Variants in SUPT3H observed in about 807,000 individuals in gnomAD.
The protein encoded by SUPT3H is SPT3 homolog, SAGA and STAGA complex component.
SUPT3H carries 44 observed loss-of-function variants against 44.3 expected under a neutral mutation model. The ratio of observed to expected loss-of-function variants is 0.99; its 90% confidence interval spans 0.78 to 1.28. The LOEUF is 1.28. Ranked by LOEUF, SUPT3H falls within the 50% of genes most tolerant of loss-of-function variation. SUPT3H has a pLI of 0.00. For synonymous variants in SUPT3H, 124 were observed against 125.6 expected, an observed-to-expected ratio of 0.99 and a Z score of 0.09; for missense variants, 380 against 387.1, an observed-to-expected ratio of 0.98 and a Z score of 0.15.
chr6:45,355,704 A>G (rs1163827913), intron 2 of SUPT3H, among the ~76,000 whole-genome samples: 1 of 152,208 alleles, frequency 6.6e-6, no homozygotes, highest in Non-Finnish European at 1.5e-5. Context: ...ATACTTCTAA[A>G]GGATTAGAGA....
At chr6:44,891,835 T>C (rs1028769269) in intron 10 of SUPT3H, among the ~76,000 whole-genome samples, 115 of 151,600 alleles carry the variant, frequency 7.6e-4, no homozygotes, top group African/African-American at 2.6e-3. Flanking sequence ...ATGGACAGAT[T>C]AGTGACCAAA....
intron 2 of SUPT3H, among the ~76,000 whole-genome samples, chr6:45,186,664 A>C (rs1161531617): frequency 6.6e-6 from 1 of 152,150 alleles, no homozygotes; most frequent in Non-Finnish European, 1.5e-5. Flanking sequence ...AAGCTGGAAA[A>C]ATTTGAGAAA....
intron 2 of SUPT3H, among the ~76,000 whole-genome samples, chr6:45,307,485 G>A (rs949566234): frequency 5.9e-5 from 9 of 152,190 alleles, no homozygotes; most frequent in African/African-American, 1.4e-4. Context: ...TGCAGCCTCC[G>A]CTGCTGATAC....
chr6:45,176,192 C>T (rs974868470), intron 2 of SUPT3H, among the ~76,000 whole-genome samples: 1 of 151,720 alleles, frequency 6.6e-6, no homozygotes, highest in East Asian at 1.9e-4. Flanking sequence ...GAGTGCCAGA[C>T]AGTGGGCGCA....
At chr6:45,101,856 C>A (rs980718343) in intron 3 of SUPT3H, among the ~76,000 whole-genome samples, 1 of 151,892 alleles carries the variant, frequency 6.6e-6, no homozygotes, top group Non-Finnish European at 1.5e-5. Context: ...CTACTCATAT[C>A]CCCTGTATTG....
intron 2 of SUPT3H, among the ~76,000 whole-genome samples, chr6:45,206,187 A>C (rs1763203657): frequency 6.6e-6 from 1 of 152,230 alleles, no homozygotes; most frequent in Non-Finnish European, 1.5e-5. Context: ...TGTGTTAGTA[A>C]GGAAGAATAA....
chr6:45,268,474 C>T (rs1015805197), intron 2 of SUPT3H, among the ~76,000 whole-genome samples: 1 of 152,078 alleles, frequency 6.6e-6, no homozygotes, highest in Non-Finnish European at 1.5e-5. Flanking sequence ...ATGAACGATT[C>T]GGATAAATTG....
At chr6:45,124,038 C>T (rs1802053322) in intron 2 of SUPT3H, among the ~76,000 whole-genome samples, 1 of 152,132 alleles carries the variant, frequency 6.6e-6, no homozygotes, top group South Asian at 2.1e-4. Flanking sequence ...TTGCCAATCC[C>T]TGGTATAATC....
chr6:44,919,907 C>A (rs1229347059), intron 10 of SUPT3H, among the ~76,000 whole-genome samples: 2 of 152,076 alleles, frequency 1.3e-5, no homozygotes, highest in Non-Finnish European at 2.9e-5. Context: ...GAGACCCAGT[C>A]TTGCTCTGTT....
intron 2 of SUPT3H, among the ~76,000 whole-genome samples, chr6:45,158,025 G>A (rs1253928825): frequency 6.8e-6 from 1 of 146,096 alleles, no homozygotes; most frequent in African/African-American, 2.5e-5. Flanking sequence ...CATGCTCTAG[G>A]GGATTTAAAA....
rs1318853292 is a variant in SUPT3H at position 44,887,467 on chromosome 6, C to T, written c.912+45186G>A. On this transcript the variant is annotated intron_variant, in intron 10 of 10. Coordinates refer to ENST00000371459, the MANE Select transcript of SUPT3H (RefSeq NM_003599.4). The stretch of plus-strand genomic sequence containing the variant: ...CTAGAACTCAGGATTAAGAAACTCA[C>T]TCAAAAGTGCTCAAGTACATGGAAA... Among the ~76,000 whole-genome samples, 23 of 152,188 alleles carry T rather than the reference C, an allele frequency of 1.5e-4. 1 individual carries two copies. Among genetic ancestry groups the T allele is most frequent in the South Asian group, 6.2e-4 (3 of 4,828 alleles).
rs187673161 is a variant in SUPT3H, at chr6:45,073,504, C to T, written c.186+32418G>A. On this transcript the variant is annotated intron_variant, in intron 3 of 10. Transcript: ENST00000371459. ...TCTTCCAATTTATGTCAGTTTATGGCGAACTGATAAAATATATTTAATGTA... is the reference window on the plus strand; with the variant it reads ...TCTTCCAATTTATGTCAGTTTATGGTGAACTGATAAAATATATTTAATGTA... Among the ~76,000 whole-genome samples, 42 of 151,936 alleles carry T rather than the reference C, an allele frequency of 2.8e-4. No individual in the cohort carries two copies. In the East Asian group the frequency reaches 6.6e-3, roughly 24 times the overall value.
At chr6:45,329,466 G>A (rs1787017368) in intron 2 of SUPT3H, among the ~76,000 whole-genome samples, 1 of 151,870 alleles carries the variant, frequency 6.6e-6, no homozygotes, top group Non-Finnish European at 1.5e-5. Context: ...GTTCATGGAA[G>A]TATTTTAAAA....
intron 2 of SUPT3H, among the ~76,000 whole-genome samples, chr6:45,124,471 C>A (rs1003627203): frequency 3.3e-5 from 5 of 151,388 alleles, no homozygotes; most frequent in African/African-American, 7.3e-5. Context: ...TGGTGAAACC[C>A]CCCCCTCTAC....
At chr6:44,947,764 C>A (rs1773591456) in intron 9 of SUPT3H, among the ~76,000 whole-genome samples, 1 of 152,102 alleles carries the variant, frequency 6.6e-6, no homozygotes, top group Non-Finnish European at 1.5e-5. Context: ...AGTCTTTCAG[C>A]AAATAGTTCT....
intron 6 of SUPT3H, among the ~76,000 whole-genome samples, chr6:44,977,845 A>G (rs201245844): frequency 6.6e-6 from 1 of 152,220 alleles, no homozygotes; most frequent in East Asian, 1.9e-4. Flanking sequence ...AAAAAATTCT[A>G]CGTGAAATGC....
chr6:44,993,297 A>G (rs891249814), intron 6 of SUPT3H, among the ~76,000 whole-genome samples: 1 of 152,178 alleles, frequency 6.6e-6, no homozygotes, highest in African/African-American at 2.4e-5. Flanking sequence ...CACAAGGTTA[A>G]GAAAAGCATA....
intron 2 of SUPT3H, among the ~76,000 whole-genome samples, chr6:45,333,422 A>G (rs531954711): frequency 6.6e-6 from 1 of 151,678 alleles, no homozygotes; most frequent in African/African-American, 2.4e-5. Flanking sequence ...TGTATACAGT[A>G]TCTTCACTTT....
chr6:45,029,762 T>G (rs934969233), intron 3 of SUPT3H, among the ~76,000 whole-genome samples: 6 of 152,152 alleles, frequency 3.9e-5, no homozygotes, highest in Non-Finnish European at 7.4e-5. Flanking sequence ...TTGATAACTG[T>G]TTTAAAATTT....
Sources: allele counts gnomAD v4.1 joint callset (sites outside exome capture counted in the v4.1 genomes callset), GRCh38; gene constraint gnomAD v4.1.1; transcripts MANE v1.5; gene names NCBI Gene and HGNC (gene_info 2026-07-23, HGNC 2026-07-21).